SLC24A2: variants seen among roughly 807,000 people sequenced by gnomAD.
The protein encoded by SLC24A2 is sodium/potassium/calcium exchanger 2.
A neutral mutation model predicts 62.0 loss-of-function variants in SLC24A2; 36 were observed. The observed-to-expected ratio is 0.58, with a 90% CI of 0.44 to 0.77. The LOEUF is 0.77. Ranked by LOEUF, SLC24A2 falls within the 30% of genes least tolerant of loss-of-function variation. The pLI, the probability that SLC24A2 is intolerant of heterozygous loss-of-function variation, is 0.00. For synonymous variants in SLC24A2, 358 were observed against 294.0 expected (o/e 1.22, Z -2.23); for missense variants, 846 against 817.9 (o/e 1.03, Z -0.42).
intron 2 of SLC24A2, among the ~76,000 whole-genome samples, chr9:19,631,767 T>G (rs191856705): frequency 6.6e-6 from 1 of 152,180 alleles, no homozygotes; most frequent in Middle Eastern, 3.2e-3. Flanking sequence ...CGGAAACCAT[T>G]TGACTAATAC....
chr9:19,832,119 G>T, the SLC24A2 span, among the ~76,000 whole-genome samples: 3 of 152,168 alleles, frequency 2.0e-5, no homozygotes, highest in African/African-American at 7.2e-5. Context: ...GCCAAGGCAT[G>T]GTCAGAGAGG....
the SLC24A2 span, among the ~76,000 whole-genome samples, chr9:20,168,454 C>A: frequency 6.6e-6 from 1 of 151,758 alleles, no homozygotes; most frequent in Non-Finnish European, 1.5e-5. Flanking sequence ...ATTTAAAAAT[C>A]ATGTATCTGC....
the SLC24A2 span, among the ~76,000 whole-genome samples, chr9:20,260,872 T>C: frequency 6.9e-6 from 1 of 145,096 alleles, no homozygotes; most frequent in Non-Finnish European, 1.5e-5. Context: ...TTTTTTTTTT[T>C]AAAGACAGAG....
chr9:20,271,445 C>G, the SLC24A2 span, among the ~76,000 whole-genome samples: 1 of 151,726 alleles, frequency 6.6e-6, no homozygotes, highest in Admixed American at 6.6e-5. Context: ...GCTGCTGCTG[C>G]TTTCTTTTAT....
intron 9 of SLC24A2, among the ~76,000 whole-genome samples, chr9:19,521,499 T>G (rs1171573450): frequency 6.6e-6 from 1 of 152,212 alleles, no homozygotes; most frequent in Non-Finnish European, 1.5e-5. Context: ...CCATTCTCCT[T>G]TAGCATCTCC....
At position 19,542,438 on chromosome 9, in the gene SLC24A2, T is replaced by C. The variant is rs1016519920; in HGVS notation, c.1479+7699A>G. ...TAATTGAACACCCTTTGTTTCTTTC[T>C]CTTGCCTGATTGCCCTGGCCAGAAC... is the stretch of plus-strand genomic sequence containing the variant. On this transcript the variant is annotated intron_variant, in intron 8 of 10. Coordinates refer to ENST00000341998, the MANE Select transcript of SLC24A2 (RefSeq NM_020344.4). Among the ~76,000 whole-genome samples, 9 of 152,212 alleles carry C rather than the reference T, an allele frequency of 5.9e-5. No homozygotes were observed. In the South Asian group the frequency reaches 6.2e-4, roughly 11 times the overall value.
At chr9:20,162,835 A>T in the SLC24A2 span, among the ~76,000 whole-genome samples, 1 of 151,922 alleles carries the variant, frequency 6.6e-6, no homozygotes, top group Non-Finnish European at 1.5e-5. Context: ...TATACGCAAA[A>T]CAATAAATGT....
chr9:20,252,840 TG>T, the SLC24A2 span, among the ~76,000 whole-genome samples: 11 of 152,378 alleles, frequency 7.2e-5, no homozygotes, highest in African/African-American at 2.6e-4. Context: ...GGACCCCTTC[TG>T]GTACCAGACT....
rs1004911008 is a variant in SLC24A2, at chr9:19,647,889, A to G, written c.931-25590T>C. On this transcript the variant is annotated intron_variant, in intron 2 of 10. Transcript: ENST00000341998. ...GGGTATCTCACTTGAGTTGGACAAT[A>G]TCTATTTTATAGTGAATATTCCAAT... 2.6e-5 allele frequency among the ~76,000 whole-genome samples: 4 copies of G among 152,218 alleles called. No homozygotes were observed. The South Asian group carries it at 6.2e-4, about 24-fold the overall frequency.
chr9:20,172,834 C>G, the SLC24A2 span, among the ~76,000 whole-genome samples: 1 of 152,042 alleles, frequency 6.6e-6, no homozygotes, highest in East Asian at 1.9e-4. Context: ...GGGAATCCTT[C>G]CTAAATCATT....
chr9:19,842,251 A>G, the SLC24A2 span, among the ~76,000 whole-genome samples: 1 of 152,188 alleles, frequency 6.6e-6, no homozygotes, highest in African/African-American at 2.4e-5. Context: ...ATTGAGTCTG[A>G]TCAATAAACT....
At chr9:20,203,545 A>C in the SLC24A2 span, among the ~76,000 whole-genome samples, 1 of 152,198 alleles carries the variant, frequency 6.6e-6, no homozygotes, top group Admixed American at 6.5e-5. Flanking sequence ...CATGCTACTA[A>C]TTCAAAACCT....
At chr9:19,764,167 A>G (rs199637719) in intron 2 of SLC24A2, among the ~76,000 whole-genome samples, 6 of 152,062 alleles carry the variant, frequency 3.9e-5, no homozygotes, top group East Asian at 1.9e-4. Context: ...TCTCTCCTTT[A>G]TCATTTTTTA....
chr9:19,677,088 C>T (rs1382253619), intron 2 of SLC24A2, among the ~76,000 whole-genome samples: 2 of 152,108 alleles, frequency 1.3e-5, no homozygotes, highest in East Asian at 3.9e-4. Context: ...GGGTATATAC[C>T]CAAAGCAATA....
At chr9:19,953,624 T>C in the SLC24A2 span, among the ~76,000 whole-genome samples, 2 of 152,066 alleles carry the variant, frequency 1.3e-5, no homozygotes, top group Admixed American at 6.6e-5. Context: ...ATTAAGTAGA[T>C]AGGTCCAAAA....
intron 4 of SLC24A2, among the ~76,000 whole-genome samples, chr9:19,614,990 A>G: frequency 6.6e-6 from 1 of 152,030 alleles, no homozygotes; most frequent in South Asian, 2.1e-4. Flanking sequence ...AGATGGTGGC[A>G]GTTATAAGCC....
chr9:20,205,198 T>C, the SLC24A2 span, among the ~76,000 whole-genome samples: 1 of 152,086 alleles, frequency 6.6e-6, no homozygotes, highest in East Asian at 1.9e-4. Flanking sequence ...TATGAGAAAA[T>C]GGGGAGTACA....
At chr9:19,782,604 T>C (rs1375140928) in intron 2 of SLC24A2, among the ~76,000 whole-genome samples, 1 of 152,224 alleles carries the variant, frequency 6.6e-6, no homozygotes, top group Non-Finnish European at 1.5e-5. Context: ...AAGGATTCAC[T>C]GGAGCAAGTT....
intron 2 of SLC24A2, among the ~76,000 whole-genome samples, chr9:19,756,934 A>G (rs1005342004): frequency 9.5e-5 from 7 of 73,768 alleles, no homozygotes; most frequent in South Asian, 5.9e-4. Flanking sequence ...TTTAGAGACA[A>G]TGGTCTGACT....
Sources: gnomAD v4.1 joint callset for allele counts (sites outside exome capture counted in the v4.1 genomes callset) on GRCh38, gnomAD v4.1.1 for gene constraint, MANE v1.5 for transcripts, NCBI Gene and HGNC (gene_info 2026-07-23, HGNC 2026-07-21) for gene names.